Variants in RAB10 observed in about 807,000 individuals in gnomAD.
The protein encoded by RAB10 is ras-related protein Rab-10.
RAB10 carries 5 observed loss-of-function variants against 25.7 expected under a neutral mutation model. The observed-to-expected ratio is 0.19, with a 90% CI of 0.10 to 0.41. The LOEUF is 0.41. Among genes scored for constraint, RAB10 ranks in the 10% least tolerant of loss-of-function variants. The pLI is 1.00. For synonymous variants in RAB10, 89 were observed against 86.4 expected (o/e 1.03, Z -0.16); for missense variants, 103 against 245.8 (o/e 0.42, Z 3.89).
intron 3 of RAB10, among the ~76,000 whole-genome samples, chr2:26,116,836 G>A (rs1334892165): frequency 6.6e-6 from 1 of 151,238 alleles, no homozygotes; most frequent in Admixed American, 6.6e-5. Flanking sequence ...GATTACAGGC[G>A]TGAGCCACCA....
chr2:26,067,273 T>C (rs898659109), intron 1 of RAB10, among the ~76,000 whole-genome samples: 2 of 152,186 alleles, frequency 1.3e-5, no homozygotes, highest in Admixed American at 6.5e-5. Flanking sequence ...ACTTTAAATA[T>C]ATACTTGAGT....
At chr2:26,085,530 C>T (rs571676664) in intron 1 of RAB10, among the ~76,000 whole-genome samples, 3 of 151,084 alleles carry the variant, frequency 2.0e-5, no homozygotes, top group Non-Finnish European at 4.4e-5. Context: ...ACAGCACTTT[C>T]AGGTCACCAG....
intron 1 of RAB10, among the ~76,000 whole-genome samples, chr2:26,081,015 T>C (rs1266133015): frequency 6.6e-6 from 1 of 152,106 alleles, no homozygotes; most frequent in African/African-American, 2.4e-5. Flanking sequence ...AGGAACCTGG[T>C]GGGAGGTAAT....
At chr2:26,038,582 T>G (rs1242317774) in intron 1 of RAB10, among the ~76,000 whole-genome samples, 1 of 152,162 alleles carries the variant, frequency 6.6e-6, no homozygotes, top group African/African-American at 2.4e-5. Flanking sequence ...TAAATGATTC[T>G]GAGTACAGCT....
rs1425732952 is a variant in RAB10 at position 26,049,187 on chromosome 2, T to G, written c.127+14452T>G. ...GTGGGGGGTTTAGATGGAGGTCGAC[T>G]TTTTTTTTTTTTTTTTGCTTGTGGA... On this transcript the variant is annotated intron_variant, in intron 1 of 5. Coordinates refer to ENST00000264710, the MANE Select transcript of RAB10 (RefSeq NM_016131.5). Among the ~76,000 whole-genome samples, 3 of 122,094 alleles carry G rather than the reference T, an allele frequency of 2.5e-5. No individual in the cohort carries two copies. The East Asian group carries it at 6.1e-4, about 25-fold the overall frequency. 80.1% of individuals were successfully genotyped at this position (122,094 alleles called of 152,430 possible). A position where few individuals can be genotyped will look rare whatever the true frequency, so the allele number is the denominator to read the frequency against.
intron 1 of RAB10, among the ~76,000 whole-genome samples, chr2:26,058,171 T>C (rs966158603): frequency 6.6e-6 from 1 of 152,154 alleles, no homozygotes; most frequent in African/African-American, 2.4e-5. Context: ...TGCTTCTCAT[T>C]ATCTCCGCTG....
At position 26,041,764 on chromosome 2, in the gene RAB10, C is replaced by T. The variant is rs186841589; in HGVS notation, c.127+7029C>T. ...TACCAAAAATACAAAATTAGCTGGG[C>T]GTGGTGGCGCATGCCTGTAATCTCA... On this transcript the variant is annotated intron_variant, in intron 1 of 5. Transcript: ENST00000264710. 2.2e-4 allele frequency among the ~76,000 whole-genome samples: 33 copies of T among 151,292 alleles called. 1 individual carries two copies. The East Asian group carries it at 5.3e-3, about 24-fold the overall frequency.
At chr2:26,100,842 AT>A (rs779226465) in intron 2 of RAB10, among the ~76,000 whole-genome samples, 4,933 of 143,432 alleles carry the variant, frequency 0.034, 195 homozygotes, top group African/African-American at 0.1. Context: ...TCATTCAAGG[AT>A]TTTTTTTTTT....
intron 3 of RAB10, among the ~76,000 whole-genome samples, chr2:26,126,921 G>A (rs554249921): frequency 6.6e-6 from 1 of 152,314 alleles, no homozygotes; most frequent in South Asian, 2.1e-4. Flanking sequence ...CTTTAGGGAG[G>A]AAATAGTATT....
At chr2:26,099,784 C>T (rs1463719238) in intron 2 of RAB10, among the ~76,000 whole-genome samples, 9 of 152,042 alleles carry the variant, frequency 5.9e-5, no homozygotes, top group African/African-American at 1.9e-4. Context: ...CCTCGTGATC[C>T]GCCCGCCTTG....
intron 1 of RAB10, among the ~76,000 whole-genome samples, chr2:26,054,035 G>A (rs977766939): frequency 9.8e-6 from 1 of 102,204 alleles, no homozygotes; most frequent in African/African-American, 3.8e-5. Context: ...TTTCCCTTCT[G>A]TTCTTTTTTT....
intron 1 of RAB10, among the ~76,000 whole-genome samples, chr2:26,075,782 T>C (rs1666719835): frequency 6.6e-6 from 1 of 152,180 alleles, no homozygotes; most frequent in East Asian, 1.9e-4. Context: ...AAGGATAATA[T>C]CTGAATTCAT....
At position 26,109,601 on chromosome 2, in the gene RAB10, C is replaced by G. The variant is rs529006941; in HGVS notation, c.189-167C>G. 9.3e-4 allele frequency among the ~76,000 whole-genome samples: 141 copies of G among 152,276 alleles called. 4 individuals carry two copies. In the South Asian group the frequency reaches 0.028, roughly 30 times the overall value. ...TAAACTTGAGTTTTATGTGTCACTTCCTACTGTTTTCCCTTTCAGATTTTC... is the reference window on the plus strand; with the variant it reads ...TAAACTTGAGTTTTATGTGTCACTTGCTACTGTTTTCCCTTTCAGATTTTC... On this transcript the variant is annotated intron_variant, in intron 2 of 5. Transcript: ENST00000264710.
chr2:26,098,590 T>C, intron 1 of RAB10, 72 bp from the exon 2 acceptor site: 1 of 1,156,044 alleles, frequency 8.7e-7, no homozygotes, highest in Non-Finnish European at 1.3e-6. Flanking sequence ...GTGAGCGTTT[T>C]TACTGTGATT....
intron 1 of RAB10, among the ~76,000 whole-genome samples, chr2:26,043,528 A>C (rs569527385): frequency 2.0e-5 from 3 of 152,360 alleles, no homozygotes; most frequent in African/African-American, 7.2e-5. Flanking sequence ...CATGTTCATC[A>C]GTGGATAAAT....
chr2:26,065,012 C>T (rs772249838), intron 1 of RAB10, among the ~76,000 whole-genome samples: 3 of 152,168 alleles, frequency 2.0e-5, no homozygotes, highest in Non-Finnish European at 4.4e-5. Flanking sequence ...GAGCTCTGAT[C>T]GCGCCACTGC....
chr2:26,121,821 T>C (rs1667808313), intron 3 of RAB10, among the ~76,000 whole-genome samples: 1 of 152,244 alleles, frequency 6.6e-6, no homozygotes, highest in Non-Finnish European at 1.5e-5. Flanking sequence ...ACTGTACTAC[T>C]GTGATAATTT....
intron 5 of RAB10, among the ~76,000 whole-genome samples, chr2:26,131,936 T>C (rs577933657): frequency 2.0e-5 from 3 of 152,382 alleles, no homozygotes; most frequent in South Asian, 2.1e-4. Context: ...TTCAAACTTA[T>C]GTGCACATTA....
intron 2 of RAB10, among the ~76,000 whole-genome samples, chr2:26,102,681 G>A (rs372369748): frequency 2.0e-5 from 3 of 152,158 alleles, no homozygotes; most frequent in East Asian, 1.9e-4. Context: ...CTTGTGATCC[G>A]CCCACCTCGG....
Sources: gnomAD v4.1 joint callset for allele counts (sites outside exome capture counted in the v4.1 genomes callset) on GRCh38, gnomAD v4.1.1 for gene constraint, MANE v1.5 for transcripts, NCBI Gene and HGNC (gene_info 2026-07-23, HGNC 2026-07-21) for gene names.